Variants in GMDS observed in about 807,000 individuals in gnomAD.
The protein encoded by GMDS is GDP-mannose 4,6 dehydratase.
A neutral mutation model predicts 49.9 loss-of-function variants in GMDS; 20 were observed. The observed-to-expected ratio is 0.40, with a 90% CI of 0.28 to 0.58. GMDS has a LOEUF of 0.58. Ranked by LOEUF, GMDS falls within the 20% of genes least tolerant of loss-of-function variation. GMDS has a pLI of 0.42. For missense variants in GMDS, 362 were observed against 481.4 expected (o/e 0.75, Z 2.32); for synonymous variants, 177 against 178.6 (o/e 0.99, Z 0.07).
At chr6:2,126,573 T>C (rs1000275368) in intron 1 of GMDS, among the ~76,000 whole-genome samples, 1 of 152,220 alleles carries the variant, frequency 6.6e-6, no homozygotes, top group Non-Finnish European at 1.5e-5. Flanking sequence ...TCAGGCAGAA[T>C]GACAAGGCAA....
At chr6:2,041,238 A>G (rs1769656729) in intron 4 of GMDS, among the ~76,000 whole-genome samples, 1 of 152,250 alleles carries the variant, frequency 6.6e-6, no homozygotes, top group Admixed American at 6.5e-5. Context: ...CAAAGCCTGC[A>G]GTAAAAGGTG....
chr6:1,827,008 A>C (rs1771140134), intron 7 of GMDS, among the ~76,000 whole-genome samples: 1 of 151,980 alleles, frequency 6.6e-6, no homozygotes, highest in Non-Finnish European at 1.5e-5. Flanking sequence ...TCAAGGTTAC[A>C]GTGAGCTATG....
chr6:1,718,556 C>T (rs756415666), intron 9 of GMDS, among the ~76,000 whole-genome samples: 14 of 152,088 alleles, frequency 9.2e-5, no homozygotes, highest in Admixed American at 2.0e-4. Context: ...TTCCGTGAGT[C>T]CCTCATTACA....
At chr6:1,932,537 C>CTTTT (rs1166894439) in intron 6 of GMDS, among the ~76,000 whole-genome samples, 3 of 134,020 alleles carry the variant, frequency 2.2e-5, no homozygotes, top group African/African-American at 5.6e-5. Context: ...ATTTCTAATT[C>CTTTT]TTTTTTTTTT....
chr6:2,243,379 T>C (rs1781706280), intron 1 of GMDS, among the ~76,000 whole-genome samples: 1 of 152,232 alleles, frequency 6.6e-6, no homozygotes, highest in Non-Finnish European at 1.5e-5. Context: ...TTCATACTGC[T>C]GGTCGTGTAA....
intron 6 of GMDS, among the ~76,000 whole-genome samples, chr6:1,938,231 G>A (rs949402640): frequency 2.6e-5 from 4 of 152,066 alleles, no homozygotes; most frequent in African/African-American, 9.7e-5. Context: ...TAGCTCCCTG[G>A]GTCTCCTTCT....
Position 1,917,128 on chromosome 6 carries a change from T to C in GMDS, c.771+12975A>G, listed in dbSNP as rs116263962. Among the ~76,000 whole-genome samples, 394 of 152,204 alleles carry C rather than the reference T, an allele frequency of 2.6e-3. 1 individual carries two copies. The highest frequency in any genetic ancestry group is 8.8e-3 in the African/African-American group (364 of 41,514). ...GGTTTCACAGGATGATTAGAGGTAT[T>C]AGGCCAGCAGTAGAGATGCTAGTTT... is the stretch of plus-strand genomic sequence containing the variant. On this transcript the variant is annotated intron_variant, in intron 7 of 10. Transcript: ENST00000380815.
At chr6:1,939,344 CTGTT>C (rs1331481899) in intron 6 of GMDS, among the ~76,000 whole-genome samples, 3 of 151,878 alleles carry the variant, frequency 2.0e-5, no homozygotes, top group Non-Finnish European at 4.4e-5. Flanking sequence ...GAGACAGTCA[CTGTT>C]TGTTTCTCCT....
intron 1 of GMDS, among the ~76,000 whole-genome samples, chr6:2,202,310 C>G (rs144570125): frequency 2.8e-5 from 3 of 108,492 alleles, no homozygotes; most frequent in Non-Finnish European, 5.7e-5. Flanking sequence ...AGCAGAGAGG[C>G]GAAGGATGAA....
intron 7 of GMDS, among the ~76,000 whole-genome samples, chr6:1,911,690 AAT>A (rs1323855983): frequency 1.3e-5 from 2 of 152,228 alleles, no homozygotes; most frequent in East Asian, 3.8e-4. Flanking sequence ...ACACACATAT[AAT>A]AACGGCATGA....
chr6:2,032,703 G>T (rs1769043123), intron 4 of GMDS, among the ~76,000 whole-genome samples: 1 of 152,168 alleles, frequency 6.6e-6, no homozygotes, highest in Non-Finnish European at 1.5e-5. Flanking sequence ...CTTACAAGGA[G>T]TCTGATTTAA....
chr6:1,937,529 G>T (rs997678815), intron 6 of GMDS, among the ~76,000 whole-genome samples: 1 of 152,176 alleles, frequency 6.6e-6, no homozygotes, highest in African/African-American at 2.4e-5. Context: ...ATCCAACAGG[G>T]CCATGCTCCT....
At chr6:2,170,777 C>T (rs1321011812) in intron 1 of GMDS, among the ~76,000 whole-genome samples, 2 of 152,086 alleles carry the variant, frequency 1.3e-5, no homozygotes, top group South Asian at 2.1e-4. Context: ...GGGTGGATCA[C>T]GAGGTCAGGA....
At chr6:1,707,836 A>G (rs1765792514) in intron 9 of GMDS, among the ~76,000 whole-genome samples, 1 of 152,208 alleles carries the variant, frequency 6.6e-6, no homozygotes, top group Non-Finnish European at 1.5e-5. Flanking sequence ...AAATATTTTC[A>G]TTAGTATTTC....
chr6:2,202,037 C>G (rs1040686106), intron 1 of GMDS, among the ~76,000 whole-genome samples: 1 of 140,652 alleles, frequency 7.1e-6, no homozygotes, highest in Non-Finnish European at 1.5e-5. Context: ...ATGAAACCAT[C>G]TAGGCAGTGA....
At chr6:1,950,734 G>C (rs1355028406) in intron 6 of GMDS, among the ~76,000 whole-genome samples, 1 of 152,188 alleles carries the variant, frequency 6.6e-6, no homozygotes, top group African/African-American at 2.4e-5. Flanking sequence ...AAATGAGATG[G>C]CATTCATCTC....
At chr6:1,985,484 T>C (rs986594775) in intron 4 of GMDS, among the ~76,000 whole-genome samples, 4 of 152,128 alleles carry the variant, frequency 2.6e-5, no homozygotes, top group African/African-American at 9.7e-5. Context: ...GAAAATAAGA[T>C]AGCATTCTGA....
intron 9 of GMDS, among the ~76,000 whole-genome samples, chr6:1,687,626 T>C (rs971548282): frequency 1.4e-4 from 21 of 152,100 alleles, no homozygotes; most frequent in Non-Finnish European, 2.9e-5. Flanking sequence ...GACAGGGCCC[T>C]TAGCCATGCA....
intron 9 of GMDS, among the ~76,000 whole-genome samples, chr6:1,693,044 G>A (rs538604733): frequency 1.5e-4 from 23 of 152,146 alleles, no homozygotes; most frequent in Non-Finnish European, 2.6e-4. Context: ...TGGAAGCAGC[G>A]GTACTTTTGG....
Sources: gnomAD v4.1 joint callset for allele counts (sites outside exome capture counted in the v4.1 genomes callset) on GRCh38, gnomAD v4.1.1 for gene constraint, MANE v1.5 for transcripts, NCBI Gene and HGNC (gene_info 2026-07-23, HGNC 2026-07-21) for gene names.